SH3BP5: variants seen among roughly 807,000 people sequenced by gnomAD.
SH3BP5 encodes SH3 domain-binding protein 5.
A neutral mutation model predicts 43.3 loss-of-function variants in SH3BP5; 22 were observed. The ratio of observed to expected loss-of-function variants is 0.51; its 90% confidence interval spans 0.36 to 0.73. SH3BP5 has a LOEUF of 0.73. Among genes scored for constraint, SH3BP5 ranks in the 30% least tolerant of loss-of-function variants. The probability of loss-of-function intolerance (pLI) is 0.00; values close to 1 mark genes in which losing one functional copy is unlikely to be tolerated. For missense variants in SH3BP5, 529 were observed against 586.9 expected (o/e 0.90, Z 1.02); for synonymous variants, 255 against 225.8 (o/e 1.13, Z -1.16).
intron 4 of SH3BP5, among the ~76,000 whole-genome samples, chr3:15,264,016 T>C (rs546579076): frequency 6.6e-6 from 1 of 152,294 alleles, no homozygotes; most frequent in Admixed American, 6.5e-5. Context: ...AGTTCACAGT[T>C]AAAAAAGAAG....
intron 3 of SH3BP5, among the ~76,000 whole-genome samples, chr3:15,284,157 C>T (rs920932007): frequency 6.6e-6 from 1 of 152,180 alleles, no homozygotes; most frequent in African/African-American, 2.4e-5. Context: ...CTTAAGTAAG[C>T]TTCACTGAAG....
intron 5 of SH3BP5, chr3:15,260,060 A>C: frequency 1.9e-6 from 1 of 531,578 alleles, no homozygotes; most frequent in East Asian, 3.4e-5. Context: ...CCACACACAC[A>C]TATCTTGGGG....
chr3:15,312,743 A>C (rs1418133646), intron 2 of SH3BP5, among the ~76,000 whole-genome samples: 1 of 152,232 alleles, frequency 6.6e-6, no homozygotes, highest in Non-Finnish European at 1.5e-5. Flanking sequence ...CCAGGCTCAG[A>C]GCCTTCCGTA....
At chr3:15,287,189 G>T (rs1017657525) in intron 3 of SH3BP5, among the ~76,000 whole-genome samples, 4 of 152,286 alleles carry the variant, frequency 2.6e-5, no homozygotes, top group Non-Finnish European at 5.9e-5. Context: ...AAGCAGTACA[G>T]AGTGTCAGCT....
chr3:15,273,848 C>A (rs1696884278), intron 3 of SH3BP5, among the ~76,000 whole-genome samples: 2 of 152,188 alleles, frequency 1.3e-5, no homozygotes, highest in Admixed American at 1.3e-4. Flanking sequence ...AATGTTTGTG[C>A]CCACCCAAAT....
At chr3:15,316,894 C>T (rs1698200032) in intron 2 of SH3BP5, among the ~76,000 whole-genome samples, 1 of 152,228 alleles carries the variant, frequency 6.6e-6, no homozygotes, top group Non-Finnish European at 1.5e-5. Flanking sequence ...CGTGCTCATG[C>T]ACACAGCTAG....
At chr3:15,322,879 C>T (rs1001352750) in intron 2 of SH3BP5, among the ~76,000 whole-genome samples, 13 of 151,998 alleles carry the variant, frequency 8.6e-5, no homozygotes, top group African/African-American at 1.9e-4. Context: ...CAGTAGCTCA[C>T]GCCTGTAATA....
chr3:15,337,526 A>G (rs1698715267), upstream of SH3BP5, among the ~76,000 whole-genome samples: 1 of 152,150 alleles, frequency 6.6e-6, no homozygotes, highest in Admixed American at 6.5e-5. Context: ...CCCCTACTAT[A>G]TGCATACACT....
At chr3:15,306,412 G>A (rs1040090532) in intron 2 of SH3BP5, among the ~76,000 whole-genome samples, 2 of 152,104 alleles carry the variant, frequency 1.3e-5, no homozygotes, top group African/African-American at 2.4e-5. Flanking sequence ...TATGGCCAGG[G>A]CGGAAAGATC....
rs191279339 is a variant in SH3BP5, at chr3:15,332,454, C to G, written c.-46G>C. On this transcript the variant is annotated 5_prime_UTR_variant, in exon 1 of 9. Coordinates refer to ENST00000383791, the MANE Select transcript of SH3BP5 (RefSeq NM_004844.5). Reference sequence around the variant, plus strand: ...CCGCGCAGTGGGCTCCGGAGCGCCCCGGGGGTCGCGGCTGCCACAGGCTGG... The same window carrying G: ...CCGCGCAGTGGGCTCCGGAGCGCCCGGGGGGTCGCGGCTGCCACAGGCTGG... 1 of 1,467,032 alleles carries G rather than the reference C, an allele frequency of 6.8e-7. No homozygotes were observed. The highest frequency in any genetic ancestry group is 2.8e-5 in the East Asian group (1 of 36,352). 90.9% of individuals were successfully genotyped at this position (1,467,032 alleles called of 1,614,324 possible).
At chr3:15,315,065 G>A (rs780558624) in intron 2 of SH3BP5, among the ~76,000 whole-genome samples, 3 of 152,182 alleles carry the variant, frequency 2.0e-5, no homozygotes, top group South Asian at 2.1e-4. Context: ...GGGGCAGTGA[G>A]AGATGGCCCG....
At chr3:15,331,522 T>A (rs1575359364) in intron 1 of SH3BP5, among the ~76,000 whole-genome samples, 1 of 152,340 alleles carries the variant, frequency 6.6e-6, no homozygotes, top group East Asian at 1.9e-4. Context: ...CTGTCACTCC[T>A]AGATCTCGGC....
rs1210314255 is a variant in SH3BP5, at chr3:15,308,000, T to TA, written c.202-3770dup. 4.0e-5 allele frequency among the ~76,000 whole-genome samples: 6 copies of TA among 150,308 alleles called. No homozygotes were observed. The South Asian group carries it at 6.3e-4, about 16-fold the overall frequency. ...GTAAACGTCAGGGAAAATTCACATT[T>TA]AAAAAAAAAATGAATTCTCAAACTT... On this transcript the variant is annotated intron_variant, in intron 2 of 8. Transcript: ENST00000383791.
chr3:15,300,667 T>C (rs966548129), intron 3 of SH3BP5, among the ~76,000 whole-genome samples: 1 of 152,130 alleles, frequency 6.6e-6, no homozygotes, highest in Non-Finnish European at 1.5e-5. Context: ...AAATGTGACA[T>C]CTGTGCCCTG....
At chr3:15,308,180 T>C (rs1575334992) in intron 2 of SH3BP5, among the ~76,000 whole-genome samples, 2 of 152,190 alleles carry the variant, frequency 1.3e-5, no homozygotes, top group Non-Finnish European at 2.9e-5. Flanking sequence ...CTGAGAGCTC[T>C]CTGGGGCACT....
In SH3BP5 at chr3:15,254,916, A is replaced by AAGAT. The variant is rs1195380683; in HGVS notation, c.*1166_*1169dup. ...ACAAGTACAAAATAACCTTGTAATT[A>AAGAT]AGATACTGTATCAGTCAAAAAAGAA... On this transcript the variant is annotated 3_prime_UTR_variant, in exon 9 of 9. Coordinates refer to ENST00000383791, the MANE Select transcript of SH3BP5 (RefSeq NM_004844.5). 1 of 152,266 alleles carries AAGAT rather than the reference A, an allele frequency of 6.6e-6. No individual in the cohort carries two copies. The highest frequency in any genetic ancestry group is 2.4e-5 in the African/African-American group (1 of 41,462). The allele number at this position is 152,266 out of a possible 1,614,324, so 9.4% of individuals were successfully genotyped here.
rs545147799 is a variant in SH3BP5, at chr3:15,269,534, T to C, written c.495+179A>G. Among the ~76,000 whole-genome samples the C allele has an allele frequency of 3.3e-5, 5 of 152,342 alleles. No individual in the cohort carries two copies. The South Asian group carries it at 1.0e-3, about 32-fold the overall frequency. On this transcript the variant is annotated intron_variant, in intron 4 of 8. Coordinates refer to ENST00000383791, the MANE Select transcript of SH3BP5 (RefSeq NM_004844.5). ...TGTCACGGAGAGACACTGTGACTCA[T>C]TCTGGAGCACTGGCTTCGTACCAAG...
At chr3:15,337,084 G>GTTTTTTTTTTTTT (rs374056927), upstream of SH3BP5, among the ~76,000 whole-genome samples, 1 of 100,128 alleles carries the variant, frequency 1.0e-5, no homozygotes, top group African/African-American at 4.0e-5. Flanking sequence ...TTTTAGTTTA[G>GTTTTTTTTTTTTT]TTTTTTTTTT....
At chr3:15,339,711 A>AAAATAAAT (rs142391294) in intron 1 of SH3BP5, 2 of 151,630 alleles carry the variant, frequency 1.3e-5, no homozygotes, top group South Asian at 2.1e-4. Flanking sequence ...CTCTATCTCA[A>AAAATAAAT]AAATAAATAA....
Sources: allele counts gnomAD v4.1 joint callset (sites outside exome capture counted in the v4.1 genomes callset), GRCh38; gene constraint gnomAD v4.1.1; transcripts MANE v1.5; gene names NCBI Gene and HGNC (gene_info 2026-07-23, HGNC 2026-07-21).